The following MRPL42 variants were observed in gnomAD, a reference collection of about 807,000 sequenced individuals.
MRPL42 encodes mitochondrial ribosomal protein L42, also known as large ribosomal subunit protein mL42.
MRPL42 carries 17 observed loss-of-function variants against 17.9 expected under a neutral mutation model. That is an observed-to-expected ratio of 0.95 (90% CI 0.65 to 1.42). The LOEUF is 1.42. Among genes scored for constraint, MRPL42 ranks in the 40% most tolerant of loss-of-function variants. The pLI, the probability that MRPL42 is intolerant of heterozygous loss-of-function variation, is 0.00. For synonymous variants in MRPL42, 59 were observed against 54.4 expected (o/e 1.08, Z -0.37); for missense variants, 177 against 175.2 (o/e 1.01, Z -0.06).
chr12:93,469,671 A>T (rs929541616), intron 2 of MRPL42, among the ~76,000 whole-genome samples: 1 of 152,094 alleles, frequency 6.6e-6, no homozygotes, highest in African/African-American at 2.4e-5. Context: ...TGGATAAATT[A>T]TGGTACATCT....
At chr12:93,497,598 A>G (rs1487109352) in intron 5 of MRPL42, among the ~76,000 whole-genome samples, 1 of 152,202 alleles carries the variant, frequency 6.6e-6, no homozygotes, top group Admixed American at 6.5e-5. Flanking sequence ...AATAAGAGCC[A>G]TTTATGACAA....
rs1280794870 is a variant in MRPL42, at chr12:93,502,742, A to G, written c.*1521A>G. On this transcript the variant is annotated 3_prime_UTR_variant, in exon 6 of 6. Transcript: ENST00000549982. ...TCCAAAATTCTACAAATTCTTAGCT[A>G]TGTTATAAATGTAGAAAGAAGTGAA... The G allele has an allele frequency of 1.3e-5, 2 of 152,180 alleles. No individual in the cohort carries two copies. The highest frequency in any genetic ancestry group is 4.8e-5 in the African/African-American group (2 of 41,444). 9.4% of individuals were successfully genotyped at this position (152,180 alleles called of 1,614,324 possible). A position where few individuals can be genotyped will look rare whatever the true frequency, so the allele number is the denominator to read the frequency against.
chr12:93,483,092 G>A (rs776486247), intron 4 of MRPL42, among the ~76,000 whole-genome samples: 2 of 151,964 alleles, frequency 1.3e-5, no homozygotes, highest in African/African-American at 2.4e-5. Context: ...AGGGGGTTTC[G>A]CCATGTTGGC....
rs55890236 is a variant in MRPL42 at position 93,514,295 on chromosome 12, C to CTTTTTTTTTTTTTTTTTTTTTTT, written c.*13094_*13095insTTTTTTTTTTTTTTTTTTTTTTT. 1 of 120,852 alleles carries CTTTTTTTTTTTTTTTTTTTTTTT rather than the reference C, an allele frequency of 8.3e-6. No individual in the cohort carries two copies. The allele number at this position is 120,852 out of a possible 1,614,324, so 7.5% of individuals were successfully genotyped here. A position where few individuals can be genotyped will look rare whatever the true frequency, so the allele number is the denominator to read the frequency against. ...CCCTCTGCTTTTTCTTTCTTTCTTT[C>CTTTTTTTTTTTTTTTTTTTTTTT]TTTTTTTTTTTTTTTTTTTTGAGAT... On this transcript the variant is annotated 3_prime_UTR_variant, in exon 6 of 6. Coordinates refer to ENST00000549982, the MANE Select transcript of MRPL42 (RefSeq NM_014050.4).
At chr12:93,476,813 T>C in intron 2 of MRPL42, 141 bp from the exon 3 acceptor site, 1 of 712,244 alleles carries the variant, frequency 1.4e-6, no homozygotes, top group Middle Eastern at 3.0e-4. Flanking sequence ...GTCTTGTTTG[T>C]TGTTGAATCC....
chr12:93,486,661 A>C (rs1283258007), intron 4 of MRPL42, among the ~76,000 whole-genome samples: 2 of 150,244 alleles, frequency 1.3e-5, no homozygotes, highest in Middle Eastern at 3.4e-3. Context: ...TTCAATGAAA[A>C]GTTTTTAATT....
chr12:93,472,415 A>G (rs1879955637), intron 2 of MRPL42, among the ~76,000 whole-genome samples: 1 of 151,988 alleles, frequency 6.6e-6, no homozygotes, highest in South Asian at 2.1e-4. Context: ...ATTTCTACAA[A>G]AGTTACAAAA....
intron 4 of MRPL42, among the ~76,000 whole-genome samples, chr12:93,481,347 A>G (rs1880450749): frequency 6.6e-6 from 1 of 151,836 alleles, no homozygotes; most frequent in Non-Finnish European, 1.5e-5. Flanking sequence ...TCTCTCGCAT[A>G]CTCTTTTACC....
Position 93,491,407 on chromosome 12 carries a change from C to T in MRPL42, c.383+3747C>T, listed in dbSNP as rs773767319. On this transcript the variant is annotated intron_variant, in intron 5 of 5. Transcript: ENST00000549982. ...TTGGGTTTTGGTTTTTGTTTGTTTT[C>T]AGTTAAGTATCTGTAGAAATATTTT... is the stretch of plus-strand genomic sequence containing the variant. Among the ~76,000 whole-genome samples the T allele has an allele frequency of 1.4e-4, 21 of 152,146 alleles. 1 individual carries two copies. Among genetic ancestry groups the T allele is most frequent in the Admixed American group, 5.2e-4 (8 of 15,276 alleles).
rs1953735985 is a variant in MRPL42, at chr12:93,512,733, G to A, written c.*11512G>A. On this transcript the variant is annotated 3_prime_UTR_variant, in exon 6 of 6. Coordinates refer to ENST00000549982, the MANE Select transcript of MRPL42 (RefSeq NM_014050.4). ...TCTTGATATTGCACATCTGTAAGAA[G>A]TAATCAAACTATTGTGAATTTGATA... 6.6e-6 allele frequency: 1 copy of A among 152,210 alleles called. No homozygotes were observed. The highest frequency in any genetic ancestry group is 1.5e-5 in the Non-Finnish European group (1 of 68,050). The allele number at this position is 152,210 out of a possible 1,614,324, so 9.4% of individuals were successfully genotyped here.
chr12:93,482,896 CTTTT>C (rs11347110), intron 4 of MRPL42, among the ~76,000 whole-genome samples: 1 of 145,908 alleles, frequency 6.9e-6, no homozygotes, highest in African/African-American at 2.5e-5. Context: ...CAATCTGGTT[CTTTT>C]TTTTTTTTTG....
chr12:93,488,163 G>A (rs1333829255), intron 5 of MRPL42: 2 of 362,036 alleles, frequency 5.5e-6, no homozygotes, highest in Non-Finnish European at 9.8e-6. Context: ...TTAGAGGCGG[G>A]GTTTTACCGT....
At chr12:93,488,164 G>C (rs750084004) in intron 5 of MRPL42, 1 of 362,788 alleles carries the variant, frequency 2.8e-6, no homozygotes, top group Non-Finnish European at 4.9e-6. Flanking sequence ...TAGAGGCGGG[G>C]TTTTACCGTG....
intron 5 of MRPL42, among the ~76,000 whole-genome samples, chr12:93,495,517 G>T (rs1438993540): frequency 6.6e-6 from 1 of 152,102 alleles, no homozygotes; most frequent in Admixed American, 6.6e-5. Flanking sequence ...TTACAAGCTT[G>T]TAATCCTGGC....
intron 3 of MRPL42, among the ~76,000 whole-genome samples, chr12:93,477,710 T>C (rs1177107096): frequency 6.6e-6 from 1 of 152,144 alleles, no homozygotes; most frequent in Non-Finnish European, 1.5e-5. Context: ...TCACCCAGGC[T>C]GGAGAGCAGT....
At chr12:93,470,492 G>T (rs866685573) in intron 2 of MRPL42, 3 of 1,284,084 alleles carry the variant, frequency 2.3e-6, no homozygotes, top group Middle Eastern at 4.3e-4. Flanking sequence ...TTAGATTCGG[G>T]CGTACATGTG....
chr12:93,494,645 G>A (rs1174816349), intron 5 of MRPL42, among the ~76,000 whole-genome samples: 1 of 152,136 alleles, frequency 6.6e-6, no homozygotes, highest in Non-Finnish European at 1.5e-5. Context: ...AAGTCTAGAG[G>A]TCAAGGGACA....
chr12:93,483,728 A>G lies in MRPL42; in HGVS notation c.220-3769A>G, dbSNP rs962149920. Among the ~76,000 whole-genome samples, 3 of 152,168 alleles carry G rather than the reference A, an allele frequency of 2.0e-5. No individual in the cohort carries two copies. The South Asian group carries it at 6.2e-4, about 32-fold the overall frequency. Reference sequence around the variant, plus strand: ...GCTTAGGCTACACCAAATTTTTAAAAAAATATTTTTCTTTCTTTAATAATA... The same window carrying G: ...GCTTAGGCTACACCAAATTTTTAAAGAAATATTTTTCTTTCTTTAATAATA... On this transcript the variant is annotated intron_variant, in intron 4 of 5. Coordinates refer to ENST00000549982, the MANE Select transcript of MRPL42 (RefSeq NM_014050.4).
rs1879767943 is a variant in MRPL42, at chr12:93,468,892, C to T, written c.-94-300C>T. ...TACTCTGTGTACCATTTGTGAGTGA[C>T]TGTTTCAAGAGTAATTACACATTTA... On this transcript the variant is annotated intron_variant, in intron 1 of 5. Transcript: ENST00000549982. Among the ~76,000 whole-genome samples the T allele has an allele frequency of 2.0e-5, 3 of 152,152 alleles. No individual in the cohort carries two copies. The South Asian group carries it at 6.2e-4, about 32-fold the overall frequency.
Sources: gnomAD v4.1 joint callset for allele counts (sites outside exome capture counted in the v4.1 genomes callset) on GRCh38, gnomAD v4.1.1 for gene constraint, MANE v1.5 for transcripts, NCBI Gene and HGNC (gene_info 2026-07-23, HGNC 2026-07-21) for gene names.